Variants in MORN5 observed in about 807,000 individuals in gnomAD.
MORN5 encodes MORN repeat containing 5, also known as MORN repeat-containing protein 5.
In MORN5, 21 loss-of-function variants were observed where a neutral mutation model predicts 22.1. That is an observed-to-expected ratio of 0.95 (90% confidence interval 0.67 to 1.37). MORN5 has a LOEUF of 1.37. Ranked by LOEUF, MORN5 falls within the 40% of genes most tolerant of loss-of-function variation. The probability of loss-of-function intolerance (pLI) is 0.00; values close to 1 mark genes in which losing one functional copy is unlikely to be tolerated. For missense variants in MORN5, 211 were observed against 215.1 expected, an observed-to-expected ratio of 0.98 and a Z score of 0.12; for synonymous variants, 73 against 74.0, an observed-to-expected ratio of 0.99 and a Z score of 0.07.
At chr9:122,190,444 A>T (rs1194641771) in intron 4 of MORN5, among the ~76,000 whole-genome samples, 4 of 152,262 alleles carry the variant, frequency 2.6e-5, no homozygotes, top group Non-Finnish European at 5.9e-5. Context: ...CTACAATTGG[A>T]TTTCAAGTGT....
At chr9:122,175,694 T>C (rs771449111) in intron 4 of MORN5, 73 of 985,236 alleles carry the variant, frequency 7.4e-5, no homozygotes, top group Non-Finnish European at 8.0e-5. Context: ...CCTTGCTCTA[T>C]AATGAGAAAG....
At chr9:122,160,711 C>T (rs1178184903) in intron 1 of MORN5, among the ~76,000 whole-genome samples, 1 of 152,022 alleles carries the variant, frequency 6.6e-6, no homozygotes, top group Non-Finnish European at 1.5e-5. Context: ...ACCCCCTAGG[C>T]TCAAACAATC....
At chr9:122,164,767 A>C in intron 1 of MORN5, 10 of 230,238 alleles carry the variant, frequency 4.3e-5, no homozygotes, top group Non-Finnish European at 6.4e-5. Flanking sequence ...GAGAAGAGGA[A>C]TTCTCCCTTC....
Position 122,168,572 on chromosome 9 carries a change from G to C in MORN5, c.196-1073G>C, listed in dbSNP as rs999021663. On this transcript the variant is annotated intron_variant, in intron 2 of 4. Coordinates refer to ENST00000373764, the MANE Select transcript of MORN5 (RefSeq NM_198469.4). ...CCCGAGGTCACACAGTGAATTAATA[G>C]TATCATTGGAATTTCCACCCGTGTT... is the stretch of plus-strand genomic sequence containing the variant. Among the ~76,000 whole-genome samples, 3 of 152,300 alleles carry C rather than the reference G, an allele frequency of 2.0e-5. No homozygotes were observed. In the East Asian group the frequency reaches 5.8e-4, roughly 29 times the overall value.
At position 122,176,124 on chromosome 9, in the gene MORN5, A is replaced by G. The variant is rs528793465; in HGVS notation, c.439+1497A>G. Among the ~76,000 whole-genome samples, 4 of 151,714 alleles carry G rather than the reference A, an allele frequency of 2.6e-5. No homozygotes were observed. In the East Asian group the frequency reaches 7.7e-4, roughly 29 times the overall value. On this transcript the variant is annotated intron_variant, in intron 4 of 4. Transcript: ENST00000373764. The stretch of plus-strand genomic sequence containing the variant: ...CAGAGCAAGACTCCGTCTCAAAAAA[A>G]AAAAAAAAAAAAAGAGCAAGGAGAA...
chr9:122,171,424 C>A (rs1403856328), intron 3 of MORN5, among the ~76,000 whole-genome samples: 2 of 152,160 alleles, frequency 1.3e-5, no homozygotes, highest in Non-Finnish European at 2.9e-5. Context: ...AACATCCCCC[C>A]ACCCCCAGTT....
intron 4 of MORN5, among the ~76,000 whole-genome samples, chr9:122,189,226 G>T (rs540812162): frequency 6.6e-6 from 1 of 151,804 alleles, no homozygotes; most frequent in East Asian, 1.9e-4. Context: ...TGTATGTTTT[G>T]ATCAGTGTCA....
At chr9:122,178,707 C>T (rs542831497) in intron 4 of MORN5, among the ~76,000 whole-genome samples, 2 of 152,326 alleles carry the variant, frequency 1.3e-5, no homozygotes, top group East Asian at 1.9e-4. Context: ...TTCCATTGTT[C>T]TGGCTTTTTA....
At chr9:122,163,780 A>G (rs1829236363) in intron 1 of MORN5, among the ~76,000 whole-genome samples, 1 of 152,234 alleles carries the variant, frequency 6.6e-6, no homozygotes, top group South Asian at 2.1e-4. Flanking sequence ...GCCAAGCATC[A>G]GGAAATAAAA....
At chr9:122,179,238 G>C (rs185016828) in intron 4 of MORN5, among the ~76,000 whole-genome samples, 1 of 152,174 alleles carries the variant, frequency 6.6e-6, no homozygotes, top group African/African-American at 2.4e-5. Context: ...GGCAAGAGAC[G>C]AAGCCCGAGA....
chr9:122,195,381 T>A (rs148709588), intron 4 of MORN5, among the ~76,000 whole-genome samples: 39 of 152,358 alleles, frequency 2.6e-4, no homozygotes, highest in African/African-American at 7.9e-4. Context: ...TTTTTACAGA[T>A]GCCTTTTCCT....
In MORN5 at chr9:122,172,172, A is replaced by G. The variant is rs116123408; in HGVS notation, c.308-2324A>G. On this transcript the variant is annotated intron_variant, in intron 3 of 4. Transcript: ENST00000373764. ...GTTTCTTGTAGAGATGGGTGTTGCC[A>G]TGTTGCCCAGGCTCATCTAGAACTC... Among the ~76,000 whole-genome samples the G allele has an allele frequency of 8.5e-3, 1,253 of 147,906 alleles. 12 individuals carry two copies. The highest frequency in any genetic ancestry group is 0.03 in the African/African-American group (1,201 of 39,932).
At chr9:122,168,118 A>T (rs1829314238) in intron 2 of MORN5, among the ~76,000 whole-genome samples, 2 of 152,226 alleles carry the variant, frequency 1.3e-5, no homozygotes. Context: ...TAGCATATTC[A>T]CAGGTTGCAG....
At chr9:122,186,725 C>G (rs964210887) in intron 4 of MORN5, among the ~76,000 whole-genome samples, 1 of 152,160 alleles carries the variant, frequency 6.6e-6, no homozygotes, top group Non-Finnish European at 1.5e-5. Flanking sequence ...TGGAGGCATT[C>G]GAAGGACACA....
intron 4 of MORN5, among the ~76,000 whole-genome samples, chr9:122,193,526 A>C (rs1286528862): frequency 6.6e-6 from 1 of 152,272 alleles, no homozygotes; most frequent in Non-Finnish European, 1.5e-5. Context: ...CGGGGGTTGC[A>C]GTGAACCAAG....
chr9:122,179,651 G>A (rs1180733295), intron 4 of MORN5, among the ~76,000 whole-genome samples: 1 of 152,180 alleles, frequency 6.6e-6, no homozygotes, highest in Admixed American at 6.5e-5. Context: ...GGAGGAGAAA[G>A]GTAGCCAAGG....
chr9:122,167,353 C>CTTT (rs61672512), intron 2 of MORN5, among the ~76,000 whole-genome samples: 32,684 of 104,252 alleles, frequency 0.31, 6,984 homozygotes, highest in Non-Finnish European at 0.46. Flanking sequence ...CGCACCTGAC[C>CTTT]TTTTTTTTTT....
chr9:122,179,003 G>A (rs1220378923), intron 4 of MORN5, among the ~76,000 whole-genome samples: 1 of 152,190 alleles, frequency 6.6e-6, no homozygotes, highest in East Asian at 1.9e-4. Flanking sequence ...ACTCAGTAGG[G>A]ATTACTTTAC....
At chr9:122,165,158 G>A (rs1006358831) in intron 1 of MORN5, among the ~76,000 whole-genome samples, 1 of 152,154 alleles carries the variant, frequency 6.6e-6, no homozygotes, top group African/African-American at 2.4e-5. Context: ...AATGGAGAAG[G>A]AATGAATGAA....
Sources: gnomAD v4.1 joint callset for allele counts (sites outside exome capture counted in the v4.1 genomes callset) on GRCh38, gnomAD v4.1.1 for gene constraint, MANE v1.5 for transcripts, NCBI Gene and HGNC (gene_info 2026-07-23, HGNC 2026-07-21) for gene names.